Variants in ROR1 observed in about 807,000 individuals in gnomAD.
ROR1 encodes the protein inactive tyrosine-protein kinase transmembrane receptor ROR1.
ROR1 carries 19 observed loss-of-function variants against 78.8 expected under a neutral mutation model. The observed-to-expected ratio is 0.24, with a 90% CI of 0.17 to 0.35. The LOEUF (loss-of-function observed/expected upper bound fraction) is 0.35. Ranked by LOEUF, ROR1 falls within the 10% of genes least tolerant of loss-of-function variation. The pLI, the probability that ROR1 is intolerant of heterozygous loss-of-function variation, is 1.00. For synonymous variants in ROR1, 386 were observed against 433.6 expected (o/e 0.89, Z 1.36); for missense variants, 917 against 1,177.8 (o/e 0.78, Z 3.24).
chr1:64,141,367 G>T (rs1649306748), intron 6 of ROR1, among the ~76,000 whole-genome samples: 1 of 152,150 alleles, frequency 6.6e-6, no homozygotes, highest in African/African-American at 2.4e-5. Flanking sequence ...GAGTGAGTGG[G>T]GAAGTGCCAC....
chr1:63,917,395 G>A (rs1645617211), intron 1 of ROR1, among the ~76,000 whole-genome samples: 1 of 151,988 alleles, frequency 6.6e-6, no homozygotes, highest in South Asian at 2.1e-4. Flanking sequence ...CCAAAGAAAA[G>A]CCACTTTCCA....
chr1:63,806,316 A>AATTT (rs1553133293), intron 1 of ROR1, among the ~76,000 whole-genome samples: 3 of 87,262 alleles, frequency 3.4e-5, no homozygotes, highest in African/African-American at 9.2e-5. Flanking sequence ...CTGTCAGACT[A>AATTT]TTTTTTTTTT....
At chr1:64,162,784 T>G (rs567227541) in intron 8 of ROR1, among the ~76,000 whole-genome samples, 1 of 152,326 alleles carries the variant, frequency 6.6e-6, no homozygotes, top group South Asian at 2.1e-4. Flanking sequence ...TGAGTGAGGT[T>G]GTTTTTTCTT....
At chr1:64,157,561 G>A (rs1169360467) in intron 7 of ROR1, among the ~76,000 whole-genome samples, 1 of 152,142 alleles carries the variant, frequency 6.6e-6, no homozygotes, top group Non-Finnish European at 1.5e-5. Flanking sequence ...TTGAATAACT[G>A]ATATGCCATA....
At chr1:64,060,134 G>A (rs191659172) in intron 4 of ROR1, among the ~76,000 whole-genome samples, 62 of 151,682 alleles carry the variant, frequency 4.1e-4, no homozygotes, top group Admixed American at 3.8e-3. Context: ...TATCTTCTGT[G>A]GTCTCCTGCA....
At chr1:64,167,872 C>G (rs889734416) in intron 8 of ROR1, among the ~76,000 whole-genome samples, 3 of 152,208 alleles carry the variant, frequency 2.0e-5, no homozygotes, top group African/African-American at 7.2e-5. Context: ...GAGCATTTCA[C>G]TTTTGCATCA....
chr1:64,142,740 G>T (rs11208364), intron 7 of ROR1, 90 bp downstream of exon 7: 4 of 1,545,750 alleles, frequency 2.6e-6, no homozygotes, highest in East Asian at 2.3e-5. Flanking sequence ...TATAAGGGGG[G>T]CAAAGAAAAT....
chr1:64,089,572 G>A (rs7533927), intron 4 of ROR1, among the ~76,000 whole-genome samples: 54,455 of 151,992 alleles, frequency 0.36, 11,066 homozygotes, highest in African/African-American at 0.56. Context: ...ATTAACTGGG[G>A]AATAAAGTGG....
At chr1:64,032,335 C>A (rs1325339884) in intron 2 of ROR1, among the ~76,000 whole-genome samples, 1 of 106,322 alleles carries the variant, frequency 9.4e-6, no homozygotes, top group African/African-American at 3.5e-5. Flanking sequence ...AGTGAGACTC[C>A]GTCTCAAAAA....
intron 1 of ROR1, among the ~76,000 whole-genome samples, chr1:63,823,747 C>T (rs1295883539): frequency 1.3e-5 from 2 of 152,018 alleles, no homozygotes; most frequent in African/African-American, 4.8e-5. Context: ...GCCCCCACAC[C>T]CAGTCAAAAT....
chr1:64,005,905 A>G (rs540441529), intron 1 of ROR1, among the ~76,000 whole-genome samples: 1 of 152,324 alleles, frequency 6.6e-6, no homozygotes, highest in East Asian at 1.9e-4. Flanking sequence ...TGGATCTTGA[A>G]GTTGAGAACA....
intron 7 of ROR1, among the ~76,000 whole-genome samples, chr1:64,154,136 T>A (rs1250727132): frequency 1.3e-5 from 2 of 152,228 alleles, no homozygotes; most frequent in African/African-American, 4.8e-5. Context: ...GCATTTTTTT[T>A]TAAAGAATTC....
At chr1:63,843,687 G>T in intron 1 of ROR1, 1 of 530,498 alleles carries the variant, frequency 1.9e-6, no homozygotes, top group Non-Finnish European at 3.7e-6. Flanking sequence ...CAGAGGCCAT[G>T]TTTCCAGAAG....
chr1:64,133,366 A>G (rs1377902501), intron 4 of ROR1, among the ~76,000 whole-genome samples: 2 of 152,130 alleles, frequency 1.3e-5, no homozygotes, highest in Non-Finnish European at 2.9e-5. Context: ...GCAGAACAGC[A>G]TTTCCTTTCC....
chr1:64,155,742 G>A (rs551258066), intron 7 of ROR1, among the ~76,000 whole-genome samples: 52 of 152,224 alleles, frequency 3.4e-4, no homozygotes, highest in African/African-American at 1.3e-3. Context: ...CATTGCGTTA[G>A]TACTAAATTA....
At chr1:63,874,977 G>A (rs570421133) in intron 1 of ROR1, among the ~76,000 whole-genome samples, 2 of 152,208 alleles carry the variant, frequency 1.3e-5, no homozygotes, top group Admixed American at 1.3e-4. Context: ...TCTGGGTATT[G>A]TTATTATCCT....
chr1:63,918,703 C>T (rs536993541), intron 1 of ROR1, among the ~76,000 whole-genome samples: 11 of 152,238 alleles, frequency 7.2e-5, no homozygotes, highest in Admixed American at 1.3e-4. Context: ...CCCTCTGAGA[C>T]GTCAGTGGTG....
At chr1:64,158,000 A>G (rs1030086811) in intron 7 of ROR1, among the ~76,000 whole-genome samples, 2 of 152,222 alleles carry the variant, frequency 1.3e-5, no homozygotes, top group African/African-American at 4.8e-5. Flanking sequence ...TTATCAGGGC[A>G]TGTCATTATG....
intron 1 of ROR1, among the ~76,000 whole-genome samples, chr1:63,827,338 C>T (rs1434247444): frequency 3.3e-5 from 5 of 152,078 alleles, no homozygotes; most frequent in Admixed American, 3.3e-4. Context: ...CTTTTGGTGC[C>T]TTTGTCATGA....
Sources: gnomAD v4.1 joint callset for allele counts (sites outside exome capture counted in the v4.1 genomes callset) on GRCh38, gnomAD v4.1.1 for gene constraint, MANE v1.5 for transcripts, NCBI Gene and HGNC (gene_info 2026-07-23, HGNC 2026-07-21) for gene names.